RPS29: variants seen among roughly 807,000 people sequenced by gnomAD.
RPS29 encodes the protein small ribosomal subunit protein uS14.
For synonymous variants in RPS29, 37 were observed against 26.9 expected (o/e 1.37, Z -1.16); for missense variants, 60 against 75.7 (o/e 0.79, Z 0.77).
chr14:49,590,787 C>G (rs1881694229), upstream of RPS29, among the ~76,000 whole-genome samples: 1 of 151,758 alleles, frequency 6.6e-6, no homozygotes, highest in South Asian at 2.1e-4. Flanking sequence ...ACCTCCCAGG[C>G]TTAAGCGATT....
chr14:49,577,517 A>G, exon 3 of RPS29: 1 of 552,176 alleles, frequency 1.8e-6, no homozygotes, highest in Non-Finnish European at 3.3e-6. Context: ...TCAACACAGT[A>G]AGATTTGTTG....
At position 49,586,357 on chromosome 14, in the gene RPS29, G is replaced by C; in HGVS notation, c.-11C>G. 1 of 1,613,510 alleles carries C rather than the reference G, an allele frequency of 6.2e-7. No homozygotes were observed. The highest frequency in any genetic ancestry group is 8.5e-7 in the Non-Finnish European group (1 of 1,179,410). On this transcript the variant is annotated 5_prime_UTR_variant, in exon 1 of 3. Coordinates refer to ENST00000245458, the MANE Select transcript of RPS29 (RefSeq NM_001032.5). ...CTGCTGGTGACCCATCTTGCTCTCA[G>C]CAGTGCAACGAGGTAAAAGGAAGAA... is the stretch of plus-strand genomic sequence containing the variant.
intron 1 of RPS29, among the ~76,000 whole-genome samples, chr14:49,596,452 G>T (rs72678066): frequency 6.6e-6 from 1 of 151,962 alleles, no homozygotes; most frequent in African/African-American, 2.4e-5. Context: ...CTCCACAATC[G>T]ATCCACTAAG....
chr14:49,585,157 C>G (rs1004241624), intron 2 of RPS29: 1 of 152,084 alleles, frequency 6.6e-6, no homozygotes, highest in Non-Finnish European at 1.5e-5. Context: ...ATCACGAGGT[C>G]AGCAGTTCGA....
At chr14:49,584,192 C>T (rs1257561038) in intron 2 of RPS29, among the ~76,000 whole-genome samples, 2 of 152,184 alleles carry the variant, frequency 1.3e-5, no homozygotes, top group Admixed American at 6.5e-5. Context: ...AGGCTTGTTG[C>T]GGAAACCCTG....
chr14:49,594,117 T>C (rs990918765), intron 1 of RPS29, among the ~76,000 whole-genome samples: 3 of 152,178 alleles, frequency 2.0e-5, no homozygotes, highest in East Asian at 1.9e-4. Context: ...GATTCTATGA[T>C]AGGATATCCC....
chr14:49,594,800 G>A (rs1398471974), intron 1 of RPS29, among the ~76,000 whole-genome samples: 4 of 152,128 alleles, frequency 2.6e-5, no homozygotes, highest in African/African-American at 9.7e-5. Flanking sequence ...CATTCTTTAG[G>A]ACTGCAGTAA....
In RPS29 at chr14:49,586,338, G is replaced by A. The variant is rs373461296; in HGVS notation, c.9C>T (p.His3=). 1.8e-5 allele frequency: 29 copies of A among 1,613,740 alleles called. No individual in the cohort carries two copies. The highest frequency in any genetic ancestry group is 2.2e-5 in the Non-Finnish European group (26 of 1,179,764). ...GCGGGTGGCTCCAGTACAGCTGCTG[G>A]TGACCCATCTTGCTCTCAGCAGTGC... MG[H]QQLYWSHPRK... is the part of the protein sequence containing the mutation. The change falls in exon 1 of 3, where the codon CAC becomes CAT. Residue 3 remains histidine (H), a synonymous_variant. Transcript: ENST00000245458.
intron 2 of RPS29, among the ~76,000 whole-genome samples, chr14:49,585,024 A>C (rs1003786089): frequency 5.3e-5 from 8 of 152,126 alleles, no homozygotes; most frequent in Non-Finnish European, 1.2e-4. Flanking sequence ...AATCTTAACA[A>C]TGTCTTTCCG....
rs757490523 is a variant in RPS29, at chr14:49,583,627, T to A, written c.*40A>T. 6.3e-7 allele frequency: 1 copy of A among 1,577,540 alleles called. No individual in the cohort carries two copies. The highest frequency in any genetic ancestry group is 1.4e-5 in the African/African-American group (1 of 72,538). ...TACAAAGAATTATCATGGTTTTTCA[T>A]TGAGTAGATGCCCCGGATAATCCTC... On this transcript the variant is annotated 3_prime_UTR_variant, in exon 3 of 3. Coordinates refer to ENST00000245458, the MANE Select transcript of RPS29 (RefSeq NM_001032.5).
downstream of RPS29, among the ~76,000 whole-genome samples, chr14:49,579,252 G>A (rs1222994149): frequency 6.6e-6 from 1 of 152,178 alleles, no homozygotes; most frequent in Admixed American, 6.5e-5. Flanking sequence ...TATGAGTCAG[G>A]AAACAGCTCT....
exon 3 of RPS29, chr14:49,573,107 A>AGAAAGAAG (rs1555322428): frequency 2.2e-4 from 32 of 145,998 alleles, no homozygotes; most frequent in African/African-American, 4.5e-4. Flanking sequence ...AAAGAAGGAA[A>AGAAAGAAG]GAAAGAAAGA....
At chr14:49,598,340 G>A in intron 1 of RPS29, 1 of 637,982 alleles carries the variant, frequency 1.6e-6, no homozygotes, top group Non-Finnish European at 2.8e-6. Context: ...GCCTTGTGCG[G>A]TCTGGACGGT....
chr14:49,584,329 G>A (rs566076153), intron 2 of RPS29, among the ~76,000 whole-genome samples: 1 of 152,200 alleles, frequency 6.6e-6, no homozygotes, highest in Non-Finnish European at 1.5e-5. Context: ...ATTTTCTTAC[G>A]TATGATATAC....
chr14:49,583,695 T>C lies in RPS29; in HGVS notation c.163-20A>G. The C allele has an allele frequency of 7.3e-7, 1 of 1,371,244 alleles. No homozygotes were observed. Among genetic ancestry groups the C allele is most frequent in the Non-Finnish European group, 1.0e-6 (1 of 973,482 alleles). The allele number at this position is 1,371,244 out of a possible 1,614,324, so 84.9% of individuals were successfully genotyped here. A position where few individuals can be genotyped will look rare whatever the true frequency, so the allele number is the denominator to read the frequency against. Reference sequence around the variant, plus strand: ...GTCCAACTGAAAAAAAAAAAGCAGATGATTTATTTCAAAATGCTTTAAATC... The same window carrying C: ...GTCCAACTGAAAAAAAAAAAGCAGACGATTTATTTCAAAATGCTTTAAATC... On this transcript the variant is annotated intron_variant, in intron 2 of 2. Transcript: ENST00000245458.
exon 3 of RPS29, chr14:49,577,714 A>C (rs1183297666): frequency 7.5e-6 from 7 of 936,614 alleles, no homozygotes; most frequent in Middle Eastern, 4.2e-4. Flanking sequence ...TAATTTTGAC[A>C]TATCAGTCTG....
downstream of RPS29, chr14:49,583,504 C>CAAA: frequency 8.5e-6 from 5 of 587,758 alleles, no homozygotes; most frequent in Non-Finnish European, 1.0e-5. Context: ...GACTCAGTCT[C>CAAA]AAAAAAAAAA....
At chr14:49,578,795 G>C (rs2139504313), downstream of RPS29, among the ~76,000 whole-genome samples, 1 of 152,166 alleles carries the variant, frequency 6.6e-6, no homozygotes, top group South Asian at 2.1e-4. Context: ...TCCTGGCCTT[G>C]TGATCCACCT....
intron 1 of RPS29, among the ~76,000 whole-genome samples, chr14:49,591,915 C>T (rs7158577): frequency 0.69 from 104,856 of 151,900 alleles, 37,339 homozygotes; most frequent in Non-Finnish European, 0.74. Context: ...CCACCACGCC[C>T]GGCCCCAATT....
Sources: gnomAD v4.1 joint callset for allele counts (sites outside exome capture counted in the v4.1 genomes callset) on GRCh38, gnomAD v4.1.1 for gene constraint, MANE v1.5 for transcripts, NCBI Gene and HGNC (gene_info 2026-07-23, HGNC 2026-07-21) for gene names.